Variants in DYRK4 observed in about 807,000 individuals in gnomAD.
DYRK4 encodes the protein dual specificity tyrosine phosphorylation regulated kinase 4.
A neutral mutation model predicts 68.3 loss-of-function variants in DYRK4; 64 were observed. That is an observed-to-expected ratio of 0.94 (90% confidence interval 0.77 to 1.15). The LOEUF (loss-of-function observed/expected upper bound fraction) is 1.15. Among genes scored for constraint, DYRK4 ranks in the 50% most tolerant of loss-of-function variants. The pLI is 0.00. For missense variants in DYRK4, 740 were observed against 764.7 expected (o/e 0.97, Z 0.38); for synonymous variants, 274 against 289.9 (o/e 0.95, Z 0.56).
chr12:4,568,392 T>TC (rs1944697833), intron 2 of DYRK4, among the ~76,000 whole-genome samples: 1 of 152,118 alleles, frequency 6.6e-6, no homozygotes, highest in African/African-American at 2.4e-5. Flanking sequence ...TTTTCTTTTT[T>TC]TTTTTTCTTT....
intron 12 of DYRK4, among the ~76,000 whole-genome samples, chr12:4,609,448 CTG>C (rs1945192339): frequency 6.6e-6 from 1 of 152,204 alleles, no homozygotes; most frequent in Non-Finnish European, 1.5e-5. Context: ...CAGTTCTTGA[CTG>C]TTCCTTTCCC....
At chr12:4,610,374 G>A (rs1040379651) in intron 13 of DYRK4, 90 bp downstream of exon 13, 2 of 1,316,190 alleles carry the variant, frequency 1.5e-6, no homozygotes, top group African/African-American at 3.0e-5. Context: ...AAGGCTGGGA[G>A]ATAGTTATAA....
At chr12:4,578,803 ATCTG>A (rs1471247749) in intron 2 of DYRK4, among the ~76,000 whole-genome samples, 1 of 152,178 alleles carries the variant, frequency 6.6e-6, no homozygotes, top group African/African-American at 2.4e-5. Flanking sequence ...GCCAGTCAAA[ATCTG>A]TCTGACTCTG....
At chr12:4,610,407 T>C (rs1317595352) in intron 13 of DYRK4, 123 bp downstream of exon 13, 2 of 1,053,906 alleles carry the variant, frequency 1.9e-6, no homozygotes, top group African/African-American at 3.3e-5. Context: ...ATGCTAACAA[T>C]AGAGCTTTAA....
chr12:4,605,202 T>C, intron 11 of DYRK4, 116 bp downstream of exon 11: 1 of 890,936 alleles, frequency 1.1e-6, no homozygotes, highest in South Asian at 1.9e-5. Context: ...TTGTTGTTGT[T>C]GTTGAGTATT....
At position 4,583,434 on chromosome 12, in the gene DYRK4, T is replaced by C. The variant is rs377689267; in HGVS notation, c.133-5503T>C. On this transcript the variant is annotated intron_variant, in intron 2 of 14. Transcript: ENST00000543431. ...TGGGCCTCAGCCATAGCAGCACTTT[T>C]TCCAGGAAGCCTCTGTGACCATTCC... Among the ~76,000 whole-genome samples the C allele has an allele frequency of 2.1e-4, 32 of 152,098 alleles. No homozygotes were observed. In the East Asian group the frequency reaches 4.8e-3, roughly 23 times the overall value.
At chr12:4,577,535 G>A (rs574210712) in intron 2 of DYRK4, among the ~76,000 whole-genome samples, 1 of 152,274 alleles carries the variant, frequency 6.6e-6, no homozygotes, top group East Asian at 1.9e-4. Context: ...GATCGCTGTA[G>A]CTTTATAGTA....
In DYRK4 at chr12:4,593,166, G is replaced by T; in HGVS notation, c.627+1G>T. ...TGATGAGCATGGCTTCTATCTGAAG[G>T]TGATGGGGGTGGGGGCCATGGGAAC... On this transcript the variant is annotated splice_donor_variant, in intron 6 of 14. Coordinates refer to ENST00000543431, the MANE Select transcript of DYRK4 (RefSeq NM_001394779.1). LOFTEE classifies it high-confidence loss of function. 1.2e-6 allele frequency: 2 copies of T among 1,613,446 alleles called. No individual in the cohort carries two copies. Among genetic ancestry groups the T allele is most frequent in the Non-Finnish European group, 1.7e-6 (2 of 1,179,932 alleles).
intron 12 of DYRK4, among the ~76,000 whole-genome samples, chr12:4,607,686 C>T (rs780642431): frequency 1.6e-4 from 25 of 152,208 alleles, no homozygotes; most frequent in Non-Finnish European, 1.3e-4. Context: ...TAACTGCATC[C>T]TCTCCCGGAA....
intron 2 of DYRK4, among the ~76,000 whole-genome samples, chr12:4,575,298 A>AGTGTGTGTGTGTGTGTGTGTGTGT (rs562026104): frequency 1.4e-5 from 2 of 144,188 alleles, no homozygotes; most frequent in Admixed American, 6.8e-5. Flanking sequence ...ACAATAACTT[A>AGTGTGTGTGTGTGTGTGTGTGTGT]CTGTGTGTGT....
intron 13 of DYRK4, 66 bp downstream of exon 13, chr12:4,610,350 G>C (rs1262401549): frequency 5.7e-6 from 8 of 1,414,692 alleles, no homozygotes; most frequent in Non-Finnish European, 7.5e-6. Context: ...ACACACGTTT[G>C]CTGGTGAAAG....
In DYRK4 at chr12:4,598,996, C is replaced by T. The variant is rs201417787; in HGVS notation, c.906-32C>T. On this transcript the variant is annotated intron_variant, in intron 8 of 14. Coordinates refer to ENST00000543431, the MANE Select transcript of DYRK4 (RefSeq NM_001394779.1). ...ACTCAGCCTTATATGTTTTTTTACA[C>T]CCATATGCATCACTTTTCCCCTCTT... The T allele has an allele frequency of 3.1e-6, 5 of 1,612,344 alleles. No individual in the cohort carries two copies. The East Asian group carries it at 6.7e-5, about 22-fold the overall frequency.
At position 4,604,929 on chromosome 12, in the gene DYRK4, A is replaced by G. The variant is rs1167510678; in HGVS notation, c.1142A>G (p.Gln381Arg). 6 of 1,610,404 alleles carry G rather than the reference A, an allele frequency of 3.7e-6. No individual in the cohort carries two copies. Among genetic ancestry groups the G allele is most frequent in the East Asian group, 2.2e-5 (1 of 44,684 alleles). Reference sequence around the variant, plus strand: ...GCCTCCGCAGTATACACGTACATCCAAAGCCGGTTCTACCGATCCCCAGAA... The same window carrying G: ...GCCTCCGCAGTATACACGTACATCCGAAGCCGGTTCTACCGATCCCCAGAA... ...YEHQKVYTYI[Q>R]SRFYRSPEVI... Residue 381 changes from glutamine (Q) to arginine (R), a missense_variant, in exon 11 of 15, where the codon CAA becomes CGA. Around this residue, in one of 3 missense-constraint regions of DYRK4, gnomAD observed 614 missense variants for 603.7 expected, o/e 1.02. Coordinates refer to ENST00000543431, the MANE Select transcript of DYRK4 (RefSeq NM_001394779.1).
chr12:4,579,367 T>C (rs1486713522), intron 2 of DYRK4, among the ~76,000 whole-genome samples: 2 of 151,620 alleles, frequency 1.3e-5, no homozygotes, highest in African/African-American at 2.4e-5. Flanking sequence ...GGCATGGGAG[T>C]GCTCTCATGC....
In DYRK4 at chr12:4,590,321, C is replaced by G. The variant is rs1047357354; in HGVS notation, c.214-9C>G. 11 of 1,530,210 alleles carry G rather than the reference C, an allele frequency of 7.2e-6. No individual in the cohort carries two copies. The East Asian group carries it at 2.2e-4, about 31-fold the overall frequency. The allele number at this position is 1,530,210 out of a possible 1,614,324, so 94.8% of individuals were successfully genotyped here. A position where few individuals can be genotyped will look rare whatever the true frequency, so the allele number is the denominator to read the frequency against. On this transcript the variant is annotated splice_polypyrimidine_tract_variant and intron_variant, in intron 3 of 14. Transcript: ENST00000543431. Reference sequence around the variant, plus strand: ...GCTTTTGTAACACATGCAATTTCTCCTTCTACAGAACACCAGTGTTACTTC... The same window carrying G: ...GCTTTTGTAACACATGCAATTTCTCGTTCTACAGAACACCAGTGTTACTTC...
chr12:4,596,234 A>C lies in DYRK4; in HGVS notation c.713A>C (p.Asp238Ala), dbSNP rs1945016396. Residue 238 changes from aspartate (D) to alanine (A), a missense_variant, in exon 7 of 15, where the codon GAT becomes GCT. Physicochemically the swap from Asp to Ala is moderately radical, Grantham distance 126. This residue lies in a region of DYRK4 where 614 missense variants were observed against 603.7 expected (regional missense o/e 1.02). Transcript: ENST00000543431. Reference sequence around the variant, plus strand: ...TTTGGACAGGTGGCCAAGTGCTTGGATCACAAAAACAATGAGCTGGTGGCC... The same window carrying C: ...TTTGGACAGGTGGCCAAGTGCTTGGCTCACAAAAACAATGAGCTGGTGGCC... ...GSFGQVAKCL[D>A]HKNNELVALK... The C allele has an allele frequency of 2.5e-6, 4 of 1,614,178 alleles. No homozygotes were observed. Among genetic ancestry groups the C allele is most frequent in the Non-Finnish European group, 3.4e-6 (4 of 1,180,046 alleles).
intron 9 of DYRK4, chr12:4,599,502 C>T (rs1403920147): frequency 1.7e-6 from 1 of 577,332 alleles, no homozygotes; most frequent in African/African-American, 1.9e-5. Context: ...AAAGCAGTGA[C>T]TATGAGGTCT....
intron 2 of DYRK4, among the ~76,000 whole-genome samples, chr12:4,583,906 A>G (rs143523765): frequency 6.6e-6 from 1 of 152,148 alleles, no homozygotes; most frequent in African/African-American, 2.4e-5. Context: ...TAATGATGGC[A>G]TGGACACTGA....
At chr12:4,567,876 T>C (rs1591782985) in intron 1 of DYRK4, 79 bp from the exon 2 acceptor site, 1 of 1,245,434 alleles carries the variant, frequency 8.0e-7, no homozygotes, top group East Asian at 2.5e-5. Flanking sequence ...CTGCCTGCTT[T>C]CTTCTGTCCC....
Sources: gnomAD v4.1 joint callset for allele counts (sites outside exome capture counted in the v4.1 genomes callset) on GRCh38, gnomAD v4.1.1 for gene constraint, gnomAD v4.1.1 regional missense constraint, MANE v1.5 for transcripts, NCBI Gene and HGNC (gene_info 2026-07-23, HGNC 2026-07-21) for gene names.